The following STXBP6 variants were observed in gnomAD, a reference collection of about 807,000 sequenced individuals.
STXBP6 encodes the protein syntaxin binding protein 6, also known as syntaxin-binding protein 6.
Under a neutral mutation model 26.9 loss-of-function variants are expected in STXBP6, and 21 were observed. The ratio of observed to expected loss-of-function variants is 0.78; its 90% CI spans 0.55 to 1.12. The LOEUF is 1.12. Among genes scored for constraint, STXBP6 ranks in the 50% most tolerant of loss-of-function variants. STXBP6 has a pLI of 0.00. For synonymous variants in STXBP6, 97 were observed against 92.6 expected, an observed-to-expected ratio of 1.05 and a Z score of -0.27; for missense variants, 232 against 257.9, an observed-to-expected ratio of 0.90 and a Z score of 0.69.
At chr14:24,896,156 C>T (rs2070984116) in intron 2 of STXBP6, among the ~76,000 whole-genome samples, 1 of 152,056 alleles carries the variant, frequency 6.6e-6, no homozygotes, top group South Asian at 2.1e-4. Flanking sequence ...AATTCTTCGG[C>T]TTTCAAAAGT....
At chr14:24,870,961 G>T (rs528747262) in intron 2 of STXBP6, among the ~76,000 whole-genome samples, 2 of 152,130 alleles carry the variant, frequency 1.3e-5, no homozygotes, top group African/African-American at 4.8e-5. Context: ...GATGCTACAT[G>T]CTCATGGCCA....
At chr14:24,980,338 AGATAATGTTTCTCTTT>A (rs1566531403) in intron 1 of STXBP6, among the ~76,000 whole-genome samples, 3 of 152,204 alleles carry the variant, frequency 2.0e-5, no homozygotes, top group Admixed American at 1.3e-4. Context: ...ATGTTTACTT[AGATAATGTTTCTCTTT>A]GATAAGACAG....
chr14:24,904,448 C>A (rs185010655), intron 2 of STXBP6, among the ~76,000 whole-genome samples: 4 of 152,200 alleles, frequency 2.6e-5, no homozygotes, highest in Admixed American at 2.0e-4. Context: ...ATGGCGAACC[C>A]GCAATTACTT....
chr14:25,013,738 C>CAAA (rs1246293987), intron 1 of STXBP6, among the ~76,000 whole-genome samples: 3 of 87,198 alleles, frequency 3.4e-5, no homozygotes, highest in African/African-American at 8.0e-5. Context: ...TCCCATTTGA[C>CAAA]AAAAAAAAAA....
intron 1 of STXBP6, among the ~76,000 whole-genome samples, chr14:25,017,771 T>C (rs955398746): frequency 6.6e-6 from 1 of 152,194 alleles, no homozygotes; most frequent in African/African-American, 2.4e-5. Flanking sequence ...TCTGGAGCCC[T>C]GAGGACTTAC....
At chr14:24,985,108 T>C (rs554307462) in intron 1 of STXBP6, among the ~76,000 whole-genome samples, 2 of 152,352 alleles carry the variant, frequency 1.3e-5, no homozygotes, top group South Asian at 4.1e-4. Context: ...AGTCATTCTT[T>C]CTGGATATCT....
intron 2 of STXBP6, among the ~76,000 whole-genome samples, chr14:24,932,889 G>GCT (rs3081444): frequency 0.75 from 113,797 of 151,890 alleles, 42,810 homozygotes; most frequent in South Asian, 0.79. Flanking sequence ...AAATCAACAG[G>GCT]CTCTGTTTTG....
At chr14:24,883,160 C>T (rs2070436398) in intron 2 of STXBP6, among the ~76,000 whole-genome samples, 1 of 152,166 alleles carries the variant, frequency 6.6e-6, no homozygotes, top group African/African-American at 2.4e-5. Context: ...TGTCTCATAA[C>T]TACAAACACA....
chr14:24,831,152 AAT>A (rs1223438538), intron 4 of STXBP6, among the ~76,000 whole-genome samples: 1 of 152,188 alleles, frequency 6.6e-6, no homozygotes, highest in Non-Finnish European at 1.5e-5. Flanking sequence ...TAGTTTAAGC[AAT>A]AGTTTCTTAG....
intron 4 of STXBP6, among the ~76,000 whole-genome samples, chr14:24,846,482 A>T (rs1278323760): frequency 6.6e-6 from 1 of 152,178 alleles, no homozygotes; most frequent in African/African-American, 2.4e-5. Flanking sequence ...ATTTGTCTAC[A>T]TACCATAAAC....
intron 1 of STXBP6, among the ~76,000 whole-genome samples, chr14:24,994,454 C>A (rs2074549661): frequency 6.6e-6 from 1 of 152,168 alleles, no homozygotes; most frequent in Non-Finnish European, 1.5e-5. Flanking sequence ...AATTTCCTTT[C>A]CACTCTTTCA....
At chr14:25,048,148 A>G (rs942671429) in intron 1 of STXBP6, among the ~76,000 whole-genome samples, 4 of 152,248 alleles carry the variant, frequency 2.6e-5, no homozygotes, top group Admixed American at 6.5e-5. Context: ...AGAGGAGAGA[A>G]GACCTAGATG....
intron 1 of STXBP6, among the ~76,000 whole-genome samples, chr14:25,019,372 C>G (rs1051670732): frequency 1.3e-5 from 2 of 152,144 alleles, no homozygotes; most frequent in Non-Finnish European, 2.9e-5. Flanking sequence ...CAAGATTTTT[C>G]ACAACCTTAA....
At chr14:24,852,633 C>T (rs752679220) in intron 4 of STXBP6, among the ~76,000 whole-genome samples, 7 of 151,902 alleles carry the variant, frequency 4.6e-5, no homozygotes, top group East Asian at 1.9e-4. Flanking sequence ...CTTGATGACT[C>T]GATTGTTCTT....
chr14:24,959,232 C>A (rs867012282), intron 2 of STXBP6, among the ~76,000 whole-genome samples: 2 of 152,130 alleles, frequency 1.3e-5, no homozygotes, highest in Admixed American at 1.3e-4. Flanking sequence ...TCAGATCAGT[C>A]GCTCTGAGGA....
At chr14:24,855,663 T>C (rs945946851) in intron 4 of STXBP6, among the ~76,000 whole-genome samples, 3 of 152,084 alleles carry the variant, frequency 2.0e-5, no homozygotes, top group African/African-American at 4.8e-5. Context: ...GCAGTTTTGT[T>C]CTCATCATTC....
intron 2 of STXBP6, among the ~76,000 whole-genome samples, chr14:24,945,695 AAAT>A (rs1219931947): frequency 6.6e-6 from 1 of 152,190 alleles, no homozygotes; most frequent in Non-Finnish European, 1.5e-5. Flanking sequence ...CTGTGTTGCA[AAAT>A]AATAATAATT....
chr14:24,954,079 C>T (rs1337881029), intron 2 of STXBP6, among the ~76,000 whole-genome samples: 1 of 152,122 alleles, frequency 6.6e-6, no homozygotes. Context: ...TTTTCAGAGA[C>T]CACAGGCCCA....
chr14:24,887,364 T>A (rs1348196645), intron 2 of STXBP6, among the ~76,000 whole-genome samples: 2 of 152,170 alleles, frequency 1.3e-5, no homozygotes, highest in Non-Finnish European at 2.9e-5. Context: ...AACTATTAAT[T>A]TTTCCACTTT....
Sources: allele counts gnomAD v4.1 joint callset (sites outside exome capture counted in the v4.1 genomes callset), GRCh38; gene constraint gnomAD v4.1.1; transcripts MANE v1.5; gene names NCBI Gene and HGNC (gene_info 2026-07-23, HGNC 2026-07-21).